The following GATM variants were observed in gnomAD, a reference collection of about 807,000 sequenced individuals.
GATM encodes the protein glycine amidinotransferase, mitochondrial.
In GATM, 23 loss-of-function variants were observed where a neutral mutation model predicts 54.2. The observed-to-expected ratio is 0.42, with a 90% CI of 0.31 to 0.60. GATM has a LOEUF of 0.60. Ranked by LOEUF, GATM falls within the 20% of genes least tolerant of loss-of-function variation. The pLI is 0.14. For synonymous variants in GATM, 168 were observed against 183.1 expected, an observed-to-expected ratio of 0.92 and a Z score of 0.67; for missense variants, 401 against 544.9, an observed-to-expected ratio of 0.74 and a Z score of 2.63.
chr15:45,382,139 C>A (rs1889749030), upstream of GATM, among the ~76,000 whole-genome samples: 1 of 152,022 alleles, frequency 6.6e-6, no homozygotes, highest in Non-Finnish European at 1.5e-5. Context: ...TCATCCAGAT[C>A]TACCTAAGGA....
chr15:45,377,232 C>A (rs1360940520), intron 1 of GATM: 2 of 489,486 alleles, frequency 4.1e-6, no homozygotes, highest in Non-Finnish European at 8.2e-6. Flanking sequence ...ACGGAACCTC[C>A]TTTTCCCTTA....
At chr15:45,394,962 C>T (rs982239345) in intron 3 of GATM, among the ~76,000 whole-genome samples, 1 of 152,156 alleles carries the variant, frequency 6.6e-6, no homozygotes, top group African/African-American at 2.4e-5. Context: ...TCCCCTGTCT[C>T]TCAGGGCTTG....
At chr15:45,366,655 C>T (rs112818298) in intron 4 of GATM, 147 bp from the exon 5 acceptor site, 21 of 870,936 alleles carry the variant, frequency 2.4e-5, no homozygotes, top group African/African-American at 1.0e-4. Flanking sequence ...GGGAAAGAAG[C>T]GGGTCCATGA....
At chr15:45,382,187 C>A (rs866182667), upstream of GATM, among the ~76,000 whole-genome samples, 3 of 152,172 alleles carry the variant, frequency 2.0e-5, no homozygotes, top group Non-Finnish European at 2.9e-5. Flanking sequence ...AAGGTTAAAT[C>A]TATTGAGGAC....
intron 3 of GATM, chr15:45,396,869 C>T: frequency 1.5e-5 from 1 of 66,470 alleles, no homozygotes; most frequent in East Asian, 4.3e-4. Flanking sequence ...GACTCCGTCT[C>T]AAAAAAAAAA....
At chr15:45,375,437 G>A (rs1889616708) in intron 2 of GATM, among the ~76,000 whole-genome samples, 1 of 152,156 alleles carries the variant, frequency 6.6e-6, no homozygotes. Context: ...CTTTGTGAAA[G>A]GTGTCATTGA....
chr15:45,376,066 G>C (rs1026624160), intron 2 of GATM, among the ~76,000 whole-genome samples: 14 of 152,166 alleles, frequency 9.2e-5, no homozygotes, highest in African/African-American at 3.4e-4. Flanking sequence ...ATTCTTTTGT[G>C]TTTTAGCTTG....
At chr15:45,369,558 A>T in intron 2 of GATM, 37 bp from the exon 3 acceptor site, 1 of 1,567,440 alleles carries the variant, frequency 6.4e-7, no homozygotes, top group Non-Finnish European at 8.8e-7. Context: ...TACTTACAGG[A>T]GAAAAATACA....
intron 6 of GATM, 145 bp from the exon 7 acceptor site, chr15:45,365,005 C>A: frequency 2.8e-6 from 2 of 704,028 alleles, no homozygotes; most frequent in Non-Finnish European, 4.9e-6. Context: ...AATTTCTAAA[C>A]ATTTGGGTGA....
chr15:45,385,730 G>T (rs1010232696), intron 3 of GATM, among the ~76,000 whole-genome samples: 2 of 152,170 alleles, frequency 1.3e-5, no homozygotes, highest in Admixed American at 6.5e-5. Flanking sequence ...TCTGGGAGGA[G>T]TACCCTCTCC....
intron 2 of GATM, among the ~76,000 whole-genome samples, chr15:45,373,742 TC>T (rs1387143715): frequency 6.6e-6 from 1 of 152,228 alleles, no homozygotes; most frequent in Non-Finnish European, 1.5e-5. Flanking sequence ...TATGTGTCAT[TC>T]TTCTCTACTA....
At chr15:45,363,167 G>A (rs2140637336) in intron 8 of GATM, among the ~76,000 whole-genome samples, 1 of 152,216 alleles carries the variant, frequency 6.6e-6, no homozygotes, top group Middle Eastern at 3.4e-3. Context: ...AGCTACTCAG[G>A]AGGCTGCGGC....
At chr15:45,384,854 A>G (rs1056563873) in intron 3 of GATM, among the ~76,000 whole-genome samples, 8 of 152,130 alleles carry the variant, frequency 5.3e-5, no homozygotes, top group African/African-American at 1.4e-4. Context: ...GACTACAGAT[A>G]TGCATCACTG....
intron 8 of GATM, among the ~76,000 whole-genome samples, chr15:45,363,014 A>G (rs980739670): frequency 6.6e-6 from 1 of 152,130 alleles, no homozygotes; most frequent in Non-Finnish European, 1.5e-5. Context: ...CGCGCATGGT[A>G]GCTCACACCC....
At chr15:45,378,260 G>A in intron 1 of GATM, 125 bp downstream of exon 1, 1 of 701,108 alleles carries the variant, frequency 1.4e-6, no homozygotes, top group Non-Finnish European at 2.3e-6. Context: ...ACACTCTCGT[G>A]CAATTCCGGC....
chr15:45,376,575 C>A, intron 2 of GATM, 26 bp downstream of exon 2: 2 of 1,606,990 alleles, frequency 1.2e-6, no homozygotes, highest in Non-Finnish European at 1.7e-6. Flanking sequence ...AGCGCACTTT[C>A]AGACATGTGA....
At chr15:45,379,917 C>A (rs1406239590), upstream of GATM, 2 of 151,716 alleles carry the variant, frequency 1.3e-5, no homozygotes, top group Non-Finnish European at 2.9e-5. Flanking sequence ...GTCAGGAGAT[C>A]AAGACCATCC....
intron 2 of GATM, among the ~76,000 whole-genome samples, chr15:45,370,924 C>A (rs1889532366): frequency 6.6e-6 from 1 of 152,158 alleles, no homozygotes; most frequent in South Asian, 2.1e-4. Context: ...CAGGCGCATG[C>A]CACCACGCCC....
chr15:45,377,406 A>G (rs1889657384), intron 1 of GATM: 1 of 386,356 alleles, frequency 2.6e-6, no homozygotes, highest in Non-Finnish European at 5.0e-6. Flanking sequence ...CAATTCTGAG[A>G]GTGAGCAACT....
Sources: allele counts gnomAD v4.1 joint callset (sites outside exome capture counted in the v4.1 genomes callset), GRCh38; gene constraint gnomAD v4.1.1; transcripts MANE v1.5; gene names NCBI Gene and HGNC (gene_info 2026-07-23, HGNC 2026-07-21).